Variants in KRT7 observed in about 807,000 individuals in gnomAD.
KRT7 encodes keratin, type II cytoskeletal 7.
KRT7 carries 50 observed loss-of-function variants against 42.8 expected under a neutral mutation model. The observed-to-expected ratio is 1.17, with a 90% CI of 0.93 to 1.48. The LOEUF (loss-of-function observed/expected upper bound fraction) is 1.48, where lower values mean the gene tolerates loss of function less well. Among genes scored for constraint, KRT7 ranks in the 40% most tolerant of loss-of-function variants. The pLI is 0.00. For synonymous variants in KRT7, 268 were observed against 266.3 expected, an observed-to-expected ratio of 1.01 and a Z score of -0.06; for missense variants, 588 against 637.6, an observed-to-expected ratio of 0.92 and a Z score of 0.84.
chr12:52,252,376 C>T, downstream of KRT7: 1 of 1,614,104 alleles, frequency 6.2e-7, no homozygotes, highest in Non-Finnish European at 8.5e-7. Context: ...TCCTGCTTGG[C>T]CTTCTGCAGG....
downstream of KRT7, chr12:52,252,518 C>T (rs1042729707): frequency 1.2e-6 from 2 of 1,608,940 alleles, no homozygotes; most frequent in African/African-American, 1.3e-5. Context: ...GATCTCTGTT[C>T]TGGCTTCAGG....
chr12:52,240,917 TC>T (rs1592391838), intron 4 of KRT7, among the ~76,000 whole-genome samples: 1 of 147,592 alleles, frequency 6.8e-6, no homozygotes, highest in Non-Finnish European at 1.5e-5. Context: ...ATGCTATCAC[TC>T]CCCCCTCCCC....
At position 52,233,392 on chromosome 12, in the gene KRT7, C is replaced by A. The variant is rs772538449; in HGVS notation, c.96C>A (p.Gly32=). The A allele has an allele frequency of 3.2e-6, 5 of 1,564,498 alleles. No homozygotes were observed. The highest frequency in any genetic ancestry group is 4.3e-6 in the Non-Finnish European group (5 of 1,162,118). ...AQVRLSSARP[G]GLGSSSLYGL... ...TGCGCCTGAGCTCCGCTCGCCCCGGCGGCCTTGGCAGCAGCAGCCTCTACG... is the reference window on the plus strand; with the variant it reads ...TGCGCCTGAGCTCCGCTCGCCCCGGAGGCCTTGGCAGCAGCAGCCTCTACG... The change falls in exon 1 of 9, where the codon GGC becomes GGA. Residue 32 remains glycine (G), a synonymous_variant. Transcript: ENST00000331817.
chr12:52,252,448 C>T (rs768173940), downstream of KRT7: 10 of 1,613,990 alleles, frequency 6.2e-6, no homozygotes, highest in South Asian at 1.1e-4. Flanking sequence ...CCCTGCTGCT[C>T]AGACTGGGCC....
chr12:52,254,538 T>C (rs1299788430), downstream of KRT7, among the ~76,000 whole-genome samples: 1 of 152,098 alleles, frequency 6.6e-6, no homozygotes, highest in African/African-American at 2.4e-5. Context: ...ATACAGTTAG[T>C]AGTGGCGTCA....
chr12:52,241,921 TTAGA>T (rs1942098267), intron 5 of KRT7: 1 of 220,932 alleles, frequency 4.5e-6, no homozygotes, highest in African/African-American at 2.3e-5. Flanking sequence ...AACAGCCCTA[TTAGA>T]TAGGCATCAT....
At chr12:52,244,583 G>T (rs1592394551) in intron 6 of KRT7, 1 of 985,888 alleles carries the variant, frequency 1.0e-6, no homozygotes, top group East Asian at 1.1e-4. Context: ...TCCACTGAGG[G>T]AAGAGGATCT....
rs532027303 is a variant in KRT7 at position 52,233,615 on chromosome 12, G to C, written c.319G>C (p.Asp107His). 4 of 1,612,356 alleles carry C rather than the reference G, an allele frequency of 2.5e-6. No individual in the cohort carries two copies. The East Asian group carries it at 6.7e-5, about 27-fold the overall frequency. ...CAACAACAAGTTTGCCTCCTTCATC[G>C]ACAAGGTGAGCGGGACTGGACCTCG... ...TLNNKFASFIDKVRFLEQQNK... is the reference protein window; with the variant it reads ...TLNNKFASFIHKVRFLEQQNK... Residue 107 changes from aspartate (D) to histidine (H), a missense_variant, in exon 1 of 9, where the codon GAC (aspartate) becomes CAC (histidine). Transcript: ENST00000331817.
chr12:52,244,263 C>T (rs1942137119), intron 6 of KRT7: 3 of 951,450 alleles, frequency 3.2e-6, no homozygotes, highest in Non-Finnish European at 3.8e-6. Flanking sequence ...GTGAGTCACC[C>T]CATGAAGTGG....
At chr12:52,237,450 AG>A (rs1174751468) in intron 2 of KRT7, 58 bp from the exon 3 acceptor site, 3 of 1,249,020 alleles carry the variant, frequency 2.4e-6, no homozygotes, top group Non-Finnish European at 3.5e-6. Flanking sequence ...CATATGGCGG[AG>A]GGGGGACGGG....
chr12:52,253,584 T>G (rs147020407), downstream of KRT7: 3,903 of 1,593,948 alleles, frequency 2.4e-3, 67 homozygotes, highest in African/African-American at 0.041. Context: ...AGCAGGCAGG[T>G]GTCCTGTGCC....
At chr12:52,238,888 C>A in intron 4 of KRT7, 113 bp downstream of exon 4, 1 of 696,616 alleles carries the variant, frequency 1.4e-6, no homozygotes, top group Non-Finnish European at 2.6e-6. Flanking sequence ...GTGTGAGAAA[C>A]AAACTCATCC....
At position 52,235,162 on chromosome 12, in the gene KRT7, T is replaced by C; in HGVS notation, c.332T>C (p.Phe111Ser). The C allele has an allele frequency of 6.2e-7, 1 of 1,614,050 alleles. No homozygotes were observed. Among genetic ancestry groups the C allele is most frequent in the Middle Eastern group, 1.7e-4 (1 of 6,008 alleles). ...KFASFIDKVRFLEQQNKLLET... is the reference protein window; with the variant it reads ...KFASFIDKVRSLEQQNKLLET... ...CCTTCTCGCCCGTTCTAGGTGCGGT[T>C]TCTGGAGCAGCAGAACAAGCTGCTG... The change falls in exon 2 of 9, where the codon TTT (phenylalanine) becomes TCT (serine). Residue 111 changes from phenylalanine (F) to serine (S), a missense_variant. Phe to Ser is a radical substitution (Grantham distance 155). Transcript: ENST00000331817.
At chr12:52,255,764 C>T (rs956039623), downstream of KRT7, among the ~76,000 whole-genome samples, 1 of 152,180 alleles carries the variant, frequency 6.6e-6, no homozygotes, top group Non-Finnish European at 1.5e-5. Flanking sequence ...ACTCCTTTCC[C>T]ACTCAGAGCC....
chr12:52,237,178 A>T (rs892824676), intron 2 of KRT7, among the ~76,000 whole-genome samples: 4 of 152,226 alleles, frequency 2.6e-5, no homozygotes, highest in Non-Finnish European at 5.9e-5. Context: ...CATAAGAAGC[A>T]CATAATGGTG....
intron 5 of KRT7, 141 bp from the exon 6 acceptor site, chr12:52,242,870 TG>T: frequency 1.1e-6 from 1 of 921,990 alleles, no homozygotes; most frequent in Non-Finnish European, 1.6e-6. Context: ...TCTGGTCTCC[TG>T]GCATCGGGCA....
At chr12:52,245,766 C>A in intron 7 of KRT7, 134 bp downstream of exon 7, 1 of 1,141,510 alleles carries the variant, frequency 8.8e-7, no homozygotes, top group Non-Finnish European at 1.2e-6. Flanking sequence ...GCAGGGAACA[C>A]AGAGCTGATG....
At chr12:52,249,733 G>A (rs1395946843), downstream of KRT7, among the ~76,000 whole-genome samples, 1 of 152,144 alleles carries the variant, frequency 6.6e-6, no homozygotes, top group East Asian at 1.9e-4. Flanking sequence ...CCACAGGGAG[G>A]TCTCTGTGTC....
Position 52,233,334 on chromosome 12 carries a change from G to A in KRT7, c.38G>A (p.Arg13His), listed in dbSNP as rs752543383. ...TTCAGCTCCCCGGTATTCACCTCGCGCTCAGCCGCCTTCTCGGGCCGCGGC... is the reference window on the plus strand; with the variant it reads ...TTCAGCTCCCCGGTATTCACCTCGCACTCAGCCGCCTTCTCGGGCCGCGGC... ...IHFSSPVFTS[R>H]SAAFSGRGAQ... The change falls in exon 1 of 9, where the codon CGC (arginine) becomes CAC (histidine). Residue 13 changes from arginine (R) to histidine (H), a missense_variant. Transcript: ENST00000331817. 2 of 1,570,392 alleles carry A rather than the reference G, an allele frequency of 1.3e-6. No homozygotes were observed. Among genetic ancestry groups the A allele is most frequent in the Non-Finnish European group, 1.7e-6 (2 of 1,163,774 alleles).
Sources: gnomAD v4.1 joint callset for allele counts (sites outside exome capture counted in the v4.1 genomes callset) on GRCh38, gnomAD v4.1.1 for gene constraint, MANE v1.5 for transcripts, NCBI Gene and HGNC (gene_info 2026-07-23, HGNC 2026-07-21) for gene names.